Variants in GREB1L observed in about 807,000 individuals in gnomAD.
GREB1L encodes the protein GREB1 like retinoic acid receptor coactivator.
In GREB1L, 17 loss-of-function variants were observed where a neutral mutation model predicts 200.8. The ratio of observed to expected loss-of-function variants is 0.08; its 90% CI spans 0.06 to 0.13. The LOEUF is 0.13. GREB1L is among the 10% of genes least tolerant of loss of function. The probability of loss-of-function intolerance (pLI) is 1.00; values close to 1 mark genes in which losing one functional copy is unlikely to be tolerated. For missense variants in GREB1L, 1,657 were observed against 2,367.7 expected (o/e 0.70, Z 6.23); for synonymous variants, 789 against 893.0 (o/e 0.88, Z 2.08).
Position 21,491,171 on chromosome 18 carries a change from T to A in GREB1L, c.3030+820T>A, listed in dbSNP as rs148107319. Among the ~76,000 whole-genome samples the A allele has an allele frequency of 6.9e-3, 1,049 of 152,320 alleles. 6 individuals carry two copies. Among genetic ancestry groups the A allele is most frequent in the Non-Finnish European group, 0.011 (726 of 68,030 alleles). On this transcript the variant is annotated intron_variant, in intron 19 of 32. Transcript: ENST00000424526. ...TCAAATATCCACCTACATGTCGGTATGGAACTGAGCTAGCTACTGTATGTC... is the reference window on the plus strand; with the variant it reads ...TCAAATATCCACCTACATGTCGGTAAGGAACTGAGCTAGCTACTGTATGTC...
chr18:21,506,292 G>T (rs900980250), intron 25 of GREB1L, among the ~76,000 whole-genome samples: 3 of 152,094 alleles, frequency 2.0e-5, no homozygotes, highest in Non-Finnish European at 4.4e-5. Context: ...CTACTCAGGA[G>T]GCTGAGGCAG....
Position 21,496,660 on chromosome 18 carries a change from G to C in GREB1L, c.3353G>C (p.Arg1118Pro), listed in dbSNP as rs1272651891. Reference protein sequence around the residue: ...DSDELLIDLERPQSNSSAVTG... With the variant: ...DSDELLIDLEPPQSNSSAVTG... ...GATGAGCTGCTCATCGACCTGGAGCGGCCCCAGAGCAACAGCAGCGCTGTC... is the reference window on the plus strand; with the variant it reads ...GATGAGCTGCTCATCGACCTGGAGCCGCCCCAGAGCAACAGCAGCGCTGTC... Residue 1118 changes from arginine to proline, a missense_variant, in exon 21 of 33, where the codon CGG becomes CCG. Transcript: ENST00000424526. The C allele has an allele frequency of 2.6e-6, 4 of 1,551,470 alleles. No homozygotes were observed. The African/African-American group carries it at 4.1e-5, about 16-fold the overall frequency.
chr18:21,322,943 C>T (rs1045129962), intron 1 of GREB1L, among the ~76,000 whole-genome samples: 4 of 151,608 alleles, frequency 2.6e-5, no homozygotes, highest in Non-Finnish European at 2.9e-5. Context: ...AATCTTAGGA[C>T]TTTTTAAGTT....
At chr18:21,429,799 T>A (rs1170704351) in intron 7 of GREB1L, among the ~76,000 whole-genome samples, 1 of 152,220 alleles carries the variant, frequency 6.6e-6, no homozygotes, top group Admixed American at 6.5e-5. Context: ...CAATTTCAAA[T>A]CTAATTACCT....
intron 1 of GREB1L, among the ~76,000 whole-genome samples, chr18:21,295,599 G>A (rs1338239080): frequency 6.6e-6 from 1 of 152,150 alleles, no homozygotes; most frequent in African/African-American, 2.4e-5. Flanking sequence ...GTCATAGTAA[G>A]ATTCATCTAA....
At chr18:21,466,561 G>T (rs1319139436) in intron 15 of GREB1L, among the ~76,000 whole-genome samples, 7 of 152,012 alleles carry the variant, frequency 4.6e-5, no homozygotes. Flanking sequence ...GAAGTGCAAA[G>T]CTTATGCTTT....
At chr18:21,515,306 T>C in intron 28 of GREB1L, 111 bp from the exon 29 acceptor site, 1 of 745,672 alleles carries the variant, frequency 1.3e-6, no homozygotes, top group Non-Finnish European at 2.2e-6. Flanking sequence ...AGTAAATCAG[T>C]TAATTTTATC....
At chr18:21,437,876 A>C in intron 7 of GREB1L, among the ~76,000 whole-genome samples, 1 of 152,358 alleles carries the variant, frequency 6.6e-6, no homozygotes, top group Middle Eastern at 3.4e-3. Context: ...TAGTTGGGGA[A>C]ATTTTTGAAT....
intron 30 of GREB1L, 88 bp from the exon 31 acceptor site, chr18:21,517,946 C>T (rs1232811447): frequency 7.0e-6 from 7 of 1,002,140 alleles, no homozygotes; most frequent in East Asian, 2.6e-5. Context: ...TATTATTTGG[C>T]GACTGTTAGG....
chr18:21,275,684 A>G (rs1441039217), intron 1 of GREB1L, among the ~76,000 whole-genome samples: 2 of 152,200 alleles, frequency 1.3e-5, no homozygotes, highest in Non-Finnish European at 2.9e-5. Flanking sequence ...TTCTCTACAT[A>G]TAAAACATTC....
At position 21,395,408 on chromosome 18, in the gene GREB1L, T is replaced by C. The variant is rs1181488402; in HGVS notation, c.379T>C (p.Leu127=). ...TDGFCQAGKD[L]RLVSLCMEQI... ...AGGTTTTTGTCAAGCAGGAAAGGATTTGCGTTTGGTATCACTGTGTATGGA... is the reference window on the plus strand; with the variant it reads ...AGGTTTTTGTCAAGCAGGAAAGGATCTGCGTTTGGTATCACTGTGTATGGA... The change falls in exon 5 of 33, where the codon TTG becomes CTG. Residue 127 remains leucine (L), a synonymous_variant. Coordinates refer to ENST00000424526, the MANE Select transcript of GREB1L (RefSeq NM_001142966.3). 2.6e-6 allele frequency: 4 copies of C among 1,550,206 alleles called. No homozygotes were observed. In the East Asian group the frequency reaches 9.8e-5, roughly 38 times the overall value.
chr18:21,434,603 GT>G (rs1036766527), intron 7 of GREB1L, among the ~76,000 whole-genome samples: 1 of 150,064 alleles, frequency 6.7e-6, no homozygotes, highest in African/African-American at 2.5e-5. Context: ...CTTTGAGGGG[GT>G]CTGTGGAGAC....
intron 2 of GREB1L, among the ~76,000 whole-genome samples, chr18:21,380,995 C>T (rs1249433816): frequency 3.9e-5 from 6 of 152,188 alleles, no homozygotes; most frequent in African/African-American, 1.4e-4. Flanking sequence ...GTAATCCCAG[C>T]ACTTTGGAAG....
chr18:21,477,667 T>C (rs2145733892), intron 17 of GREB1L, among the ~76,000 whole-genome samples: 1 of 151,858 alleles, frequency 6.6e-6, no homozygotes, highest in East Asian at 2.0e-4. Flanking sequence ...ACGCCTGTAA[T>C]CCCAGCTATT....
At chr18:21,375,445 G>C (rs2040034224) in intron 2 of GREB1L, among the ~76,000 whole-genome samples, 1 of 152,100 alleles carries the variant, frequency 6.6e-6, no homozygotes, top group South Asian at 2.1e-4. Context: ...TGACTCTTAG[G>C]CTCATATCTT....
intron 2 of GREB1L, among the ~76,000 whole-genome samples, chr18:21,373,469 G>A (rs1223359758): frequency 6.6e-6 from 1 of 152,040 alleles, no homozygotes; most frequent in African/African-American, 2.4e-5. Flanking sequence ...GAGTAGCTGG[G>A]ATTATAGGCA....
chr18:21,515,956 G>A (rs2037402295), intron 29 of GREB1L, among the ~76,000 whole-genome samples: 1 of 152,108 alleles, frequency 6.6e-6, no homozygotes. Context: ...CTAAGATTAA[G>A]CCTCCTTCAC....
chr18:21,449,680 G>A lies in GREB1L; in HGVS notation c.1564G>A (p.Val522Ile). The A allele has an allele frequency of 6.4e-7, 1 of 1,551,638 alleles. No individual in the cohort carries two copies. The highest frequency in any genetic ancestry group is 8.7e-7 in the Non-Finnish European group (1 of 1,146,988). The change falls in exon 12 of 33, where the codon GTT (valine) becomes ATT (isoleucine). Residue 522 changes from valine (V) to isoleucine (I), a missense_variant. By Grantham distance (29) the Val-to-Ile change is conservative (BLOSUM62 3). Transcript: ENST00000424526. ...RLIASVSQDL[V>I]HVVVTQNSLA... is the part of the protein sequence containing the mutation. ...AATTGCCAGCGTATCTCAAGACTTG[G>A]TTCATGTGGTTGTGACCCAGAACTC...
At chr18:21,477,536 C>T (rs551978633) in intron 17 of GREB1L, among the ~76,000 whole-genome samples, 180 bp downstream of exon 17, 1 of 152,234 alleles carries the variant, frequency 6.6e-6, no homozygotes, top group Non-Finnish European at 1.5e-5. Flanking sequence ...CCTATAATTC[C>T]AGCACTTTGG....
Sources: gnomAD v4.1 joint callset for allele counts (sites outside exome capture counted in the v4.1 genomes callset) on GRCh38, gnomAD v4.1.1 for gene constraint, MANE v1.5 for transcripts, NCBI Gene and HGNC (gene_info 2026-07-23, HGNC 2026-07-21) for gene names.